The following ZFP64 variants were observed in gnomAD, a reference collection of about 807,000 sequenced individuals.
ZFP64 encodes the protein zinc finger protein 64.
Under a neutral mutation model 51.6 loss-of-function variants are expected in ZFP64, and 14 were observed. That is an observed-to-expected ratio of 0.27 (90% CI 0.18 to 0.42). The LOEUF (loss-of-function observed/expected upper bound fraction) is 0.42. Ranked by LOEUF, ZFP64 falls within the 10% of genes least tolerant of loss-of-function variation. The probability of loss-of-function intolerance (pLI) is 1.00; values close to 1 mark genes in which losing one functional copy is unlikely to be tolerated. For synonymous variants in ZFP64, 375 were observed against 361.4 expected (o/e 1.04, Z -0.43); for missense variants, 754 against 906.8 (o/e 0.83, Z 2.16).
intron 4 of ZFP64, among the ~76,000 whole-genome samples, chr20:52,162,581 C>T (rs970165509): frequency 1.9e-4 from 28 of 149,284 alleles, no homozygotes; most frequent in African/African-American, 5.7e-4. Context: ...GAACCAAGAT[C>T]GCGCCACTGC....
intron 2 of ZFP64, among the ~76,000 whole-genome samples, chr20:52,167,196 G>GGA (rs1982346610): frequency 2.0e-5 from 3 of 151,772 alleles, no homozygotes; most frequent in Non-Finnish European, 4.4e-5. Flanking sequence ...ATGGTGGCGG[G>GGA]CACCTGAAAT....
intron 3 of ZFP64, 77 bp downstream of exon 3, chr20:52,165,787 G>T: frequency 6.3e-7 from 1 of 1,583,112 alleles, no homozygotes; most frequent in South Asian, 1.1e-5. Flanking sequence ...CAGTTGTCAG[G>T]AACTCATGAG....
intron 5 of ZFP64, among the ~76,000 whole-genome samples, chr20:52,142,380 A>ACACACACACACGCG (rs1555804629): frequency 2.2e-4 from 18 of 81,458 alleles, no homozygotes; most frequent in African/African-American, 6.8e-4. Flanking sequence ...ACACACAGAC[A>ACACACACACACGCG]CACACACACA....
intron 5 of ZFP64, chr20:52,105,037 AG>A: frequency 3.0e-6 from 4 of 1,355,532 alleles, no homozygotes; most frequent in Non-Finnish European, 3.9e-6. Flanking sequence ...CCGCCCTTTC[AG>A]GTCCCCTGCC....
chr20:52,160,190 T>C lies in ZFP64; in HGVS notation c.696A>G (p.Lys232=), dbSNP rs768858463. 1.9e-6 allele frequency: 3 copies of C among 1,613,930 alleles called. No individual in the cohort carries two copies. The part of the protein sequence containing the change: ...LRIHSDERPF[K]CQICPYASRN... ...GGCTGGCGTAGGGGCAGATCTGGCA[T>C]TTGAAGGGCCGCTCGTCCGAGTGGA... The change falls in exon 5 of 6, where the codon AAA becomes AAG. Residue 232 remains lysine (K), a synonymous_variant. Coordinates refer to ENST00000216923, the MANE Select transcript of ZFP64 (RefSeq NM_018197.3). This position sits in a 1 kb window ranked among gnomAD's most constrained non-coding sequence, Gnocchi z 4.2.
At chr20:52,137,822 G>A (rs1015938293) in intron 5 of ZFP64, among the ~76,000 whole-genome samples, 8 of 151,980 alleles carry the variant, frequency 5.3e-5, no homozygotes, top group Non-Finnish European at 8.8e-5. Flanking sequence ...ATTGAGGCAC[G>A]GTTAATGTTT....
chr20:52,152,905 T>A lies in ZFP64; in HGVS notation c.1287A>T (p.Ile429=), dbSNP rs1426396634. 3.2e-5 allele frequency: 52 copies of A among 1,614,006 alleles called. No individual in the cohort carries two copies. Among genetic ancestry groups the A allele is most frequent in the Non-Finnish European group, 4.4e-5 (52 of 1,180,028 alleles). Reference sequence around the variant, plus strand: ...CCTCCCGCATGAAGGAGGCATCGCATATATCGCAGTGGAAACTCTTCTTGG... The same window carrying A: ...CCTCCCGCATGAAGGAGGCATCGCAAATATCGCAGTGGAAACTCTTCTTGG... The part of the protein sequence containing the change: ...LDAKKSFHCD[I]CDASFMREDS... The change falls in exon 6 of 6, where the codon ATA becomes ATT. Residue 429 remains isoleucine (I), a synonymous_variant. Transcript: ENST00000216923.
rs189283458 is a variant in ZFP64, at chr20:52,129,325, T to C, written c.764-30738A>G. Among the ~76,000 whole-genome samples, 554 of 151,700 alleles carry C rather than the reference T, an allele frequency of 3.7e-3. 2 individuals carry two copies. Among genetic ancestry groups the C allele is most frequent in the African/African-American group, 0.013 (543 of 41,396 alleles). On this transcript the variant is annotated intron_variant, in intron 5 of 8. Transcript: ENST00000361387. ...TCACCGTGTTAGCCAGGGTGGAATT[T>C]TTTTGTATTTTTAGTAGAGATGGGG...
chr20:52,088,685 A>C (rs2122701903), intron 7 of ZFP64: 1 of 1,611,628 alleles, frequency 6.2e-7, no homozygotes, highest in South Asian at 1.1e-5. Context: ...TTTTTTGGTC[A>C]AGATGGCTAC....
At chr20:52,129,783 C>A (rs552920991) in intron 5 of ZFP64, among the ~76,000 whole-genome samples, 1 of 152,320 alleles carries the variant, frequency 6.6e-6, no homozygotes, top group South Asian at 2.1e-4. Flanking sequence ...TGACAACTCG[C>A]CTGTCTGCCT....
intron 1 of ZFP64, among the ~76,000 whole-genome samples, chr20:52,189,058 C>T (rs1249306550): frequency 6.6e-6 from 1 of 152,014 alleles, no homozygotes; most frequent in Non-Finnish European, 1.5e-5. Flanking sequence ...TCAATATTTC[C>T]ATCTCTGCCT....
At chr20:52,096,349 G>A (rs543933412) in intron 7 of ZFP64, among the ~76,000 whole-genome samples, 8 of 152,336 alleles carry the variant, frequency 5.3e-5, no homozygotes, top group South Asian at 2.1e-4. Context: ...CTGGCTAAGC[G>A]ATGCAGAGAA....
At chr20:52,149,486 TAC>T (rs1434295775), downstream of ZFP64, among the ~76,000 whole-genome samples, 3 of 152,196 alleles carry the variant, frequency 2.0e-5, no homozygotes, top group Non-Finnish European at 2.9e-5. Context: ...CAGAGAAATG[TAC>T]AGAGTATGAT....
intron 5 of ZFP64, among the ~76,000 whole-genome samples, chr20:52,142,352 A>G (rs1041572954): frequency 6.7e-6 from 1 of 149,824 alleles, no homozygotes; most frequent in African/African-American, 2.5e-5. Flanking sequence ...TAGGCGACAG[A>G]GTGAGACTTC....
At chr20:52,186,616 C>T (rs942464685) in intron 2 of ZFP64, among the ~76,000 whole-genome samples, 1 of 150,550 alleles carries the variant, frequency 6.6e-6, no homozygotes, top group Non-Finnish European at 1.5e-5. Context: ...TTTTTTGTAA[C>T]GTGACAACAT....
At chr20:52,165,331 A>C in intron 3 of ZFP64, 1 of 456,272 alleles carries the variant, frequency 2.2e-6, no homozygotes, top group South Asian at 1.5e-5. Flanking sequence ...TGAAGTATTT[A>C]GGAATAAAGG....
chr20:52,186,692 C>T lies in ZFP64; in HGVS notation c.286+140G>A, dbSNP rs1034569430. On this transcript the variant is annotated intron_variant, in intron 2 of 5. Coordinates refer to ENST00000216923, the MANE Select transcript of ZFP64 (RefSeq NM_018197.3). ...CAAACCTGGCTGGGCAGCTGGCTTC[C>T]TGGTGGAGCTTGTTAAAAATAATGA... The T allele has an allele frequency of 2.2e-5, 27 of 1,225,100 alleles. No individual in the cohort carries two copies. In the African/African-American group the frequency reaches 3.5e-4, roughly 16 times the overall value. 75.9% of individuals were successfully genotyped at this position (1,225,100 alleles called of 1,614,324 possible).
At chr20:52,110,096 C>T (rs75323634) in intron 5 of ZFP64, among the ~76,000 whole-genome samples, 1,686 of 152,224 alleles carry the variant, frequency 0.011, 36 homozygotes, top group African/African-American at 0.039. Context: ...TTCTCTATAG[C>T]ACCAATTCCT....
chr20:52,088,736 C>T, intron 7 of ZFP64: 2 of 1,516,126 alleles, frequency 1.3e-6, no homozygotes, highest in Non-Finnish European at 1.8e-6. Context: ...TATGGGTGTG[C>T]CGCCTCCTCC....
Sources: allele counts gnomAD v4.1 joint callset (sites outside exome capture counted in the v4.1 genomes callset), GRCh38; gene constraint gnomAD v4.1.1; non-coding constraint Gnocchi (gnomAD v3.1); transcripts MANE v1.5; gene names NCBI Gene and HGNC (gene_info 2026-07-23, HGNC 2026-07-21).